Variants in ELMO1 observed in about 807,000 individuals in gnomAD.
ELMO1 encodes engulfment and cell motility 1.
A neutral mutation model predicts 98.9 loss-of-function variants in ELMO1; 26 were observed. The observed-to-expected ratio is 0.26, with a 90% confidence interval of 0.19 to 0.36. The LOEUF (loss-of-function observed/expected upper bound fraction) is 0.36, where lower values mean the gene tolerates loss of function less well. ELMO1 is among the 10% of genes least tolerant of loss of function. The pLI is 1.00. For synonymous variants in ELMO1, 346 were observed against 346.0 expected, an observed-to-expected ratio of 1.00 and a Z score of 0.00; for missense variants, 627 against 935.2, an observed-to-expected ratio of 0.67 and a Z score of 4.30.
intron 16 of ELMO1, among the ~76,000 whole-genome samples, chr7:36,993,972 C>T (rs1174720958): frequency 6.6e-6 from 1 of 152,210 alleles, no homozygotes; most frequent in African/African-American, 2.4e-5. Flanking sequence ...TGTGTTGGAC[C>T]TCTCAGCTAT....
At chr7:36,918,042 A>G (rs1268091797) in intron 16 of ELMO1, among the ~76,000 whole-genome samples, 4 of 152,204 alleles carry the variant, frequency 2.6e-5, no homozygotes, top group African/African-American at 9.6e-5. Flanking sequence ...ATAATATATA[A>G]TTTTGTAAAG....
At chr7:37,223,606 G>T (rs1793714635) in intron 9 of ELMO1, among the ~76,000 whole-genome samples, 1 of 152,236 alleles carries the variant, frequency 6.6e-6, no homozygotes, top group Non-Finnish European at 1.5e-5. Context: ...TTGGGATGAA[G>T]ATGTGTGCCT....
intron 1 of ELMO1, among the ~76,000 whole-genome samples, chr7:37,358,670 C>T (rs17259795): frequency 0.19 from 28,425 of 152,008 alleles, 2,912 homozygotes; most frequent in Non-Finnish European, 0.23. Flanking sequence ...TTACTTTTCT[C>T]GGCCTTGATT....
At chr7:37,358,574 G>C (rs1801582569) in intron 1 of ELMO1, among the ~76,000 whole-genome samples, 1 of 152,186 alleles carries the variant, frequency 6.6e-6, no homozygotes, top group African/African-American at 2.4e-5. Flanking sequence ...CTAGTTATCT[G>C]AGGTGTGAAT....
intron 16 of ELMO1, among the ~76,000 whole-genome samples, chr7:36,903,261 G>C (rs576133908): frequency 6.6e-6 from 1 of 152,206 alleles, no homozygotes; most frequent in Admixed American, 6.5e-5. Context: ...TCAAGCCTAG[G>C]CCTAGATGTT....
chr7:37,058,520 G>A (rs1796507772), intron 15 of ELMO1, among the ~76,000 whole-genome samples: 1 of 152,124 alleles, frequency 6.6e-6, no homozygotes, highest in Non-Finnish European at 1.5e-5. Flanking sequence ...AGAGAGTGAG[G>A]AAAAGGAGGG....
chr7:36,981,209 A>C (rs1050917971), intron 16 of ELMO1, among the ~76,000 whole-genome samples: 3 of 149,694 alleles, frequency 2.0e-5, no homozygotes, highest in African/African-American at 7.3e-5. Context: ...AACTTTTCCA[A>C]AGCTCACTCA....
intron 1 of ELMO1, among the ~76,000 whole-genome samples, chr7:37,438,437 A>G (rs1397720679): frequency 2.1e-5 from 3 of 140,932 alleles, no homozygotes; most frequent in Admixed American, 6.8e-5. Context: ...AATACAAAAA[A>G]AAAAAAAAAA....
chr7:37,058,429 C>T (rs922744507), intron 15 of ELMO1, among the ~76,000 whole-genome samples: 3 of 152,174 alleles, frequency 2.0e-5, no homozygotes, highest in Non-Finnish European at 4.4e-5. Flanking sequence ...CTCTCTCTCT[C>T]TTGCTCTCTT....
At chr7:36,966,497 GA>G (rs1409794544) in intron 16 of ELMO1, among the ~76,000 whole-genome samples, 1 of 152,202 alleles carries the variant, frequency 6.6e-6, no homozygotes, top group Admixed American at 6.5e-5. Context: ...GCAATGAAGA[GA>G]AAACACCAAT....
chr7:37,392,680 A>T (rs1180911799), intron 1 of ELMO1, among the ~76,000 whole-genome samples: 1 of 152,160 alleles, frequency 6.6e-6, no homozygotes, highest in Non-Finnish European at 1.5e-5. Flanking sequence ...TTCTGATCAC[A>T]CTGGCTAGCT....
At chr7:37,320,444 C>G (rs975385560) in intron 2 of ELMO1, among the ~76,000 whole-genome samples, 1 of 152,106 alleles carries the variant, frequency 6.6e-6, no homozygotes, top group Non-Finnish European at 1.5e-5. Flanking sequence ...TCCACACTTT[C>G]GCTCATGCCA....
chr7:37,076,968 G>A (rs151313226), intron 15 of ELMO1, among the ~76,000 whole-genome samples: 2,142 of 152,200 alleles, frequency 0.014, 18 homozygotes, highest in Middle Eastern at 0.041. Flanking sequence ...GAGATTTTAC[G>A]GATTATTTAC....
chr7:36,964,831 T>C (rs1033671301), intron 16 of ELMO1, among the ~76,000 whole-genome samples: 2 of 152,170 alleles, frequency 1.3e-5, no homozygotes, highest in African/African-American at 4.8e-5. Flanking sequence ...AATACAAATA[T>C]AAACAGCTTA....
chr7:37,257,601 T>C (rs1795741958), intron 6 of ELMO1, among the ~76,000 whole-genome samples: 1 of 141,604 alleles, frequency 7.1e-6, no homozygotes, highest in Non-Finnish European at 1.5e-5. Context: ...CACACGCCTG[T>C]AGTCCCAAGT....
At chr7:36,930,852 T>C (rs1453506253) in intron 16 of ELMO1, among the ~76,000 whole-genome samples, 1 of 152,326 alleles carries the variant, frequency 6.6e-6, no homozygotes, top group South Asian at 2.1e-4. Context: ...GCTTCCTCTC[T>C]TTCTGCACAA....
At chr7:37,235,936 T>A (rs1447558191) in intron 7 of ELMO1, among the ~76,000 whole-genome samples, 1 of 151,982 alleles carries the variant, frequency 6.6e-6, no homozygotes, top group Non-Finnish European at 1.5e-5. Flanking sequence ...ATAAAACAAA[T>A]AAACCAATAA....
At chr7:37,020,823 T>C (rs555344042) in intron 15 of ELMO1, among the ~76,000 whole-genome samples, 86 of 152,348 alleles carry the variant, frequency 5.6e-4, no homozygotes, top group African/African-American at 2.0e-3. Flanking sequence ...GATGTTTTGT[T>C]GTAAAATTAT....
At chr7:36,953,926 A>G in intron 16 of ELMO1, among the ~76,000 whole-genome samples, 1 of 151,182 alleles carries the variant, frequency 6.6e-6, no homozygotes, top group Non-Finnish European at 1.5e-5. Context: ...ACTTTGGAAG[A>G]AGGGGAATTA....
Sources: allele counts gnomAD v4.1 joint callset (sites outside exome capture counted in the v4.1 genomes callset), GRCh38; gene constraint gnomAD v4.1.1; transcripts MANE v1.5; gene names NCBI Gene and HGNC (gene_info 2026-07-23, HGNC 2026-07-21).